ABI3BP: variants seen among roughly 807,000 people sequenced by gnomAD.
The protein encoded by ABI3BP is target of Nesh-SH3.
Under a neutral mutation model 268.6 loss-of-function variants are expected in ABI3BP, and 216 were observed. That is an observed-to-expected ratio of 0.80 (90% confidence interval 0.72 to 0.90). The LOEUF (loss-of-function observed/expected upper bound fraction) is 0.90. ABI3BP is among the 40% of genes least tolerant of loss of function. The pLI, the probability that ABI3BP is intolerant of heterozygous loss-of-function variation, is 0.00. For synonymous variants in ABI3BP, 730 were observed against 730.0 expected (o/e 1.00, Z 0.00); for missense variants, 2,090 against 2,182.4 (o/e 0.96, Z 0.84).
In ABI3BP at chr3:100,850,738, T is replaced by C. The variant is rs771892410; in HGVS notation, c.1352-4A>G. ...TCCAGAATACGATCACTTGTTGCTG[T>C]TGGAATAAATGTCAACATTTGTAAA... is the stretch of plus-strand genomic sequence containing the variant. On this transcript the variant is annotated splice_polypyrimidine_tract_variant and splice_region_variant and intron_variant, in intron 15 of 67. Transcript: ENST00000471714. The C allele has an allele frequency of 6.2e-7, 1 of 1,609,852 alleles. No homozygotes were observed. Among genetic ancestry groups the C allele is most frequent in the South Asian group, 1.1e-5 (1 of 90,854 alleles).
At chr3:100,923,359 T>C (rs2060860071) in intron 2 of ABI3BP, among the ~76,000 whole-genome samples, 1 of 152,216 alleles carries the variant, frequency 6.6e-6, no homozygotes, top group Non-Finnish European at 1.5e-5. Context: ...CCTATCTACC[T>C]AATGTAAATT....
At chr3:100,985,600 C>CCT (rs771267357) in intron 1 of ABI3BP, among the ~76,000 whole-genome samples, 1 of 152,042 alleles carries the variant, frequency 6.6e-6, no homozygotes, top group Non-Finnish European at 1.5e-5. Flanking sequence ...ATTTTGTGTG[C>CCT]CTCTGTACAT....
chr3:100,792,436 C>A (rs1329920773), intron 55 of ABI3BP, among the ~76,000 whole-genome samples: 2 of 151,440 alleles, frequency 1.3e-5, no homozygotes, highest in African/African-American at 4.8e-5. Flanking sequence ...ATGGGATCTT[C>A]CACTCTTAGT....
intron 62 of ABI3BP, among the ~76,000 whole-genome samples, chr3:100,768,456 AG>A (rs954778953): frequency 1.3e-5 from 2 of 152,212 alleles, no homozygotes; most frequent in Non-Finnish European, 2.9e-5. Context: ...AAATGGATCT[AG>A]AAGCTTTCTT....
intron 1 of ABI3BP, among the ~76,000 whole-genome samples, chr3:100,936,263 T>C (rs1031658405): frequency 2.0e-5 from 3 of 152,234 alleles, no homozygotes; most frequent in Admixed American, 6.5e-5. Flanking sequence ...GTTCTGTTTA[T>C]TTGATGGATT....
intron 3 of ABI3BP, among the ~76,000 whole-genome samples, chr3:100,901,488 G>T (rs968897621): frequency 1.6e-4 from 25 of 152,174 alleles, no homozygotes; most frequent in Non-Finnish European, 3.1e-4. Flanking sequence ...AGCAGGCTGG[G>T]TGCAGTGGCT....
At chr3:100,950,336 G>T (rs1233946261) in intron 1 of ABI3BP, among the ~76,000 whole-genome samples, 1 of 152,136 alleles carries the variant, frequency 6.6e-6, no homozygotes, top group Admixed American at 6.5e-5. Context: ...ATAAACAAAT[G>T]AGTCTCTTCA....
At chr3:100,972,889 G>A (rs1056763527) in intron 1 of ABI3BP, among the ~76,000 whole-genome samples, 1 of 152,152 alleles carries the variant, frequency 6.6e-6, no homozygotes, top group Non-Finnish European at 1.5e-5. Flanking sequence ...AGACTTATTT[G>A]TGGACATGTG....
chr3:100,801,425 C>CAAAAAAA (rs68171311), intron 51 of ABI3BP, among the ~76,000 whole-genome samples: 2 of 87,456 alleles, frequency 2.3e-5, no homozygotes, highest in African/African-American at 7.9e-5. Flanking sequence ...GATATCCTGT[C>CAAAAAAA]AAAAAAAAAA....
intron 27 of ABI3BP, among the ~76,000 whole-genome samples, chr3:100,836,216 CAG>C (rs2098586466): frequency 6.6e-6 from 1 of 152,006 alleles, no homozygotes. Flanking sequence ...AAGTAGAAAA[CAG>C]AGATAATTAA....
chr3:100,955,426 T>C (rs924973253), intron 1 of ABI3BP, among the ~76,000 whole-genome samples: 1 of 152,248 alleles, frequency 6.6e-6, no homozygotes, highest in African/African-American at 2.4e-5. Flanking sequence ...CTGTAAATGA[T>C]ATTGGATGAT....
At chr3:100,941,904 T>C (rs981493773) in intron 1 of ABI3BP, among the ~76,000 whole-genome samples, 1 of 152,080 alleles carries the variant, frequency 6.6e-6, no homozygotes, top group African/African-American at 2.4e-5. Flanking sequence ...AAAATTACTC[T>C]TTAAAGTTTG....
In ABI3BP at chr3:100,839,497, C is replaced by T. The variant is rs1308153977; in HGVS notation, c.1945+72G>A. 4 of 1,445,336 alleles carry T rather than the reference C, an allele frequency of 2.8e-6. No homozygotes were observed. In the African/African-American group the frequency reaches 5.6e-5, roughly 20 times the overall value. The allele number at this position is 1,445,336 out of a possible 1,614,324, so 89.5% of individuals were successfully genotyped here. On this transcript the variant is annotated intron_variant, in intron 24 of 67. Coordinates refer to ENST00000471714, the MANE Select transcript of ABI3BP (RefSeq NM_001375547.2). ...ATGAGGTGGTGGAACTGCAGTCATG[C>T]CTGTAATGGAGAGTGGGGAAAGCAA...
chr3:100,891,449 T>A (rs2044607424), intron 4 of ABI3BP, among the ~76,000 whole-genome samples: 1 of 152,208 alleles, frequency 6.6e-6, no homozygotes, highest in Admixed American at 6.5e-5. Flanking sequence ...GCATTAACCA[T>A]TTTACATGTG....
At chr3:100,841,220 T>TTTTTTTTTTTTTTTTTTTTGTTTTTTTG (rs1560681726) in intron 21 of ABI3BP, among the ~76,000 whole-genome samples, 62 of 119,590 alleles carry the variant, frequency 5.2e-4, no homozygotes, top group Middle Eastern at 5.0e-3. Flanking sequence ...TTTTTTTTTT[T>TTTTTTTTTTTTTTTTTTTTGTTTTTTTG]TTTTTTTGCT....
intron 55 of ABI3BP, among the ~76,000 whole-genome samples, chr3:100,791,075 A>G (rs1007788104): frequency 6.6e-6 from 1 of 151,894 alleles, no homozygotes; most frequent in Non-Finnish European, 1.5e-5. Flanking sequence ...TATGGCCTTG[A>G]GGGTTTCAAT....
At chr3:100,768,795 A>G (rs778745662) in intron 62 of ABI3BP, among the ~76,000 whole-genome samples, 4 of 152,208 alleles carry the variant, frequency 2.6e-5, no homozygotes, top group Non-Finnish European at 5.9e-5. Flanking sequence ...TGGGATTTAA[A>G]TCTGTGTCAG....
At chr3:100,879,119 TCCTG>T (rs1378936739) in intron 6 of ABI3BP, among the ~76,000 whole-genome samples, 2 of 152,216 alleles carry the variant, frequency 1.3e-5, no homozygotes, top group Admixed American at 1.3e-4. Flanking sequence ...AGCTTACTCC[TCCTG>T]CCTAACTGAA....
At chr3:100,924,024 G>T (rs1036468) in intron 2 of ABI3BP, among the ~76,000 whole-genome samples, 88,981 of 151,854 alleles carry the variant, frequency 0.59, 26,860 homozygotes, top group East Asian at 0.91. Flanking sequence ...CCCCCTTCCC[G>T]CAAATTCAAA....
Sources: gnomAD v4.1 joint callset for allele counts (sites outside exome capture counted in the v4.1 genomes callset) on GRCh38, gnomAD v4.1.1 for gene constraint, MANE v1.5 for transcripts, NCBI Gene and HGNC (gene_info 2026-07-23, HGNC 2026-07-21) for gene names.